The following SMS variants were observed in gnomAD, a reference collection of about 807,000 sequenced individuals.
The protein encoded by SMS is spermidine aminopropyltransferase.
A neutral mutation model predicts 33.0 loss-of-function variants in SMS; 3 were observed. The observed-to-expected ratio is 0.09, with a 90% confidence interval of 0.04 to 0.23. The LOEUF (loss-of-function observed/expected upper bound fraction) is 0.23. SMS is among the 10% of genes least tolerant of loss of function. The probability of loss-of-function intolerance (pLI) is 1.00; values close to 1 mark genes in which losing one functional copy is unlikely to be tolerated. For missense variants in SMS, 117 were observed against 288.6 expected (o/e 0.41, Z 4.31); for synonymous variants, 103 against 112.2 (o/e 0.92, Z 0.52).
chrX:21,964,989 T>G (rs1269224607), intron 1 of SMS, among the ~76,000 whole-genome samples: 2 of 111,341 alleles, frequency 1.8e-5, no homozygotes, highest in Non-Finnish European at 3.8e-5. Context: ...CCTCTTCAGC[T>G]TCTGGTGCGC....
rs1266925920 is a variant in SMS, at chrX:21,977,954, C to G, written c.506-6C>G. 2 of 1,208,453 alleles carry G rather than the reference C, an allele frequency of 1.7e-6. No individual in the cohort carries two copies. Among genetic ancestry groups the G allele is most frequent in the African/African-American group, 3.5e-5 (2 of 57,144 alleles). On this transcript the variant is annotated splice_region_variant and splice_polypyrimidine_tract_variant and intron_variant, in intron 5 of 10. Coordinates refer to ENST00000404933, the MANE Select transcript of SMS (RefSeq NM_004595.5). ...CTCACCATTTGGATCTGTTTCTCCT[C>G]CCTAGATTTGGCAGAGAGTGATTTG...
chrX:21,983,371 T>A lies in SMS; in HGVS notation c.751-933T>A, dbSNP rs1925109378. Among the ~76,000 whole-genome samples, 7 of 101,857 alleles carry A rather than the reference T, an allele frequency of 6.9e-5. No individual in the cohort carries two copies. The Admixed American group carries it at 8.1e-4, about 12-fold the overall frequency. 88.5% of individuals were successfully genotyped at this position (101,857 alleles called of 115,157 possible). A position where few individuals can be genotyped will look rare whatever the true frequency, so the allele number is the denominator to read the frequency against. The stretch of plus-strand genomic sequence containing the variant: ...AACTCTTAAACTCTTGGTTTCTGAC[T>A]ATTATATTTAATTTTTCTTTTACTT... On this transcript the variant is annotated intron_variant, in intron 7 of 10. Coordinates refer to ENST00000404933, the MANE Select transcript of SMS (RefSeq NM_004595.5).
At chrX:21,964,092 TCA>T (rs983054360) in intron 1 of SMS, among the ~76,000 whole-genome samples, 1 of 108,348 alleles carries the variant, frequency 9.2e-6, no homozygotes, top group Non-Finnish European at 1.9e-5. Flanking sequence ...GAAGTAGAAT[TCA>T]GTCTTAAATG....
At chrX:21,969,759 G>C (rs1923992935) in intron 2 of SMS, among the ~76,000 whole-genome samples, 1 of 112,632 alleles carries the variant, frequency 8.9e-6, no homozygotes, top group African/African-American at 3.2e-5. Flanking sequence ...TTCGGAAACT[G>C]CTTCGAAAAG....
At chrX:21,965,578 C>CA (rs1316702959) in intron 1 of SMS, among the ~76,000 whole-genome samples, 21 of 9,910 alleles carry the variant, frequency 2.1e-3, no homozygotes, top group Non-Finnish European at 2.7e-3. Flanking sequence ...GTCTCTACTA[C>CA]AAATACAAAA....
At position 21,949,663 on chromosome X, in the gene SMS, G is replaced by A. The variant is rs764745858; in HGVS notation, c.49+8790G>A. On this transcript the variant is annotated intron_variant, in intron 1 of 10. Transcript: ENST00000404933. ...CCTGAGCAATTCCTAGAACACTGCTGTATTTAATTCTGAATTCTCCCTTCT... is the reference window on the plus strand; with the variant it reads ...CCTGAGCAATTCCTAGAACACTGCTATATTTAATTCTGAATTCTCCCTTCT... Among the ~76,000 whole-genome samples the A allele has an allele frequency of 1.6e-3, 179 of 112,146 alleles. 1 individual carries two copies. Among genetic ancestry groups the A allele is most frequent in the African/African-American group, 5.2e-3 (161 of 30,953 alleles).
At chrX:21,972,484 A>G in intron 3 of SMS, 23 bp from the exon 4 acceptor site, 1 of 1,072,834 alleles carries the variant, frequency 9.3e-7, no homozygotes, top group Non-Finnish European at 1.3e-6. Context: ...CTACAAGCCC[A>G]TTGATTTTTC....
intron 2 of SMS, 146 bp downstream of exon 2, chrX:21,967,462 G>A (rs1159998807): frequency 8.4e-6 from 5 of 596,523 alleles, no homozygotes; most frequent in Admixed American, 2.7e-5. Context: ...CTTCTCAACC[G>A]TAGCTGCACA....
At chrX:21,983,216 T>C (rs753450625) in intron 7 of SMS, among the ~76,000 whole-genome samples, 1 of 109,511 alleles carries the variant, frequency 9.1e-6, no homozygotes, top group African/African-American at 3.3e-5. Context: ...ATTTTTCTTT[T>C]TTTTCTAGAG....
Position 21,940,732 on chromosome X carries a change from C to A in SMS, c.-93C>A. The A allele has an allele frequency of 1.3e-6, 1 of 745,971 alleles. No individual in the cohort carries two copies. Among genetic ancestry groups the A allele is most frequent in the Non-Finnish European group, 1.9e-6 (1 of 525,008 alleles). 61.5% of individuals were successfully genotyped at this position (745,971 alleles called of 1,213,427 possible). On this transcript the variant is annotated 5_prime_UTR_variant, in exon 1 of 11. Coordinates refer to ENST00000404933, the MANE Select transcript of SMS (RefSeq NM_004595.5). The stretch of plus-strand genomic sequence containing the variant: ...CTAGTCCTGGCCTCCCCGGGCGCAG[C>A]ACACTCCCAGCCGGCCGCAGCCTGA...
intron 1 of SMS, among the ~76,000 whole-genome samples, chrX:21,943,034 A>G (rs1448208150): frequency 2.7e-5 from 3 of 109,786 alleles, no homozygotes; most frequent in African/African-American, 1.0e-4. Context: ...TAAAGTAGAG[A>G]CAGGGTTTCA....
chrX:21,971,305 G>A (rs750651378), intron 2 of SMS, among the ~76,000 whole-genome samples: 5 of 111,635 alleles, frequency 4.5e-5, no homozygotes, highest in Non-Finnish European at 9.4e-5. Flanking sequence ...AAAAAGGGCT[G>A]GTCAGAAAAT....
chrX:21,947,175 T>C (rs1317876578), intron 1 of SMS, among the ~76,000 whole-genome samples: 1 of 111,638 alleles, frequency 9.0e-6, no homozygotes, highest in Non-Finnish European at 1.9e-5. Context: ...TTCTCAAGAG[T>C]AGAGAAAGCT....
At chrX:21,970,511 G>GA (rs1924058759) in intron 2 of SMS, among the ~76,000 whole-genome samples, 1 of 111,608 alleles carries the variant, frequency 9.0e-6, no homozygotes, top group Admixed American at 9.5e-5. Context: ...CTCTGGGGAA[G>GA]AACTTGATTT....
At chrX:21,956,829 C>T (rs1345898785) in intron 1 of SMS, among the ~76,000 whole-genome samples, 2 of 112,451 alleles carry the variant, frequency 1.8e-5, no homozygotes, top group Admixed American at 9.4e-5. Flanking sequence ...GATCCTCCAG[C>T]CTCAGCCTCC....
At position 21,965,616 on chromosome X, in the gene SMS, C is replaced by T. The variant is rs868076726; in HGVS notation, c.50-1580C>T. ...AAAAAAAAAAAGCCGGGCGTGGTGG[C>T]GGGCGCCTGTAGTCCTAGCTACTCG... On this transcript the variant is annotated intron_variant, in intron 1 of 10. Coordinates refer to ENST00000404933, the MANE Select transcript of SMS (RefSeq NM_004595.5). Among the ~76,000 whole-genome samples the T allele has an allele frequency of 6.1e-4, 58 of 94,858 alleles. 1 individual carries two copies. Among genetic ancestry groups the T allele is most frequent in the African/African-American group, 1.6e-3 (40 of 24,895 alleles). The allele number at this position is 94,858 out of a possible 115,157, so 82.4% of individuals were successfully genotyped here. A position where few individuals can be genotyped will look rare whatever the true frequency, so the allele number is the denominator to read the frequency against.
At chrX:21,958,175 A>G (rs897965572) in intron 1 of SMS, among the ~76,000 whole-genome samples, 2 of 111,931 alleles carry the variant, frequency 1.8e-5, no homozygotes, top group Non-Finnish European at 3.8e-5. Flanking sequence ...TTGGTCATGA[A>G]TTCTTTGCCT....
At chrX:21,954,451 A>G (rs925228401) in intron 1 of SMS, among the ~76,000 whole-genome samples, 4 of 112,569 alleles carry the variant, frequency 3.6e-5, no homozygotes, top group Admixed American at 1.9e-4. Context: ...TTGGAAGTAC[A>G]GATTTCCAAG....
intron 1 of SMS, among the ~76,000 whole-genome samples, chrX:21,962,188 TACCAAAGTCCTGTGAAAG>T (rs1026189338): frequency 8.9e-5 from 10 of 111,917 alleles, no homozygotes; most frequent in African/African-American, 3.3e-4. Flanking sequence ...TGGCTGGGGT[TACCAAAGTCCTGTGAAAG>T]ACAGGGCAGC....
Sources: allele counts gnomAD v4.1 joint callset (sites outside exome capture counted in the v4.1 genomes callset), GRCh38; gene constraint gnomAD v4.1.1; transcripts MANE v1.5; gene names NCBI Gene and HGNC (gene_info 2026-07-23, HGNC 2026-07-21).